Variants in DPP6 observed in about 807,000 individuals in gnomAD.
The protein encoded by DPP6 is dipeptidyl peptidase like 6.
Under a neutral mutation model 122.6 loss-of-function variants are expected in DPP6, and 69 were observed. The observed-to-expected ratio is 0.56, with a 90% CI of 0.46 to 0.69. The LOEUF (loss-of-function observed/expected upper bound fraction) is 0.69. Among genes scored for constraint, DPP6 ranks in the 30% least tolerant of loss-of-function variants. The probability of loss-of-function intolerance (pLI) is 0.00; values close to 1 mark genes in which losing one functional copy is unlikely to be tolerated. For missense variants in DPP6, 928 were observed against 1,116.9 expected, an observed-to-expected ratio of 0.83 and a Z score of 2.41; for synonymous variants, 418 against 433.1, an observed-to-expected ratio of 0.97 and a Z score of 0.43.
chr7:153,868,303 C>A, the DPP6 span, among the ~76,000 whole-genome samples: 1 of 152,172 alleles, frequency 6.6e-6, no homozygotes, highest in South Asian at 2.1e-4. Context: ...GGTTGGTAAG[C>A]TATTAATTAT....
chr7:154,023,293 C>T (rs1442709465), intron 1 of DPP6, among the ~76,000 whole-genome samples: 7 of 144,144 alleles, frequency 4.9e-5, no homozygotes, highest in African/African-American at 1.9e-4. Flanking sequence ...CCTCCTACAG[C>T]AGGCTCTGGA....
At chr7:153,803,876 T>C in the DPP6 span, among the ~76,000 whole-genome samples, 1 of 151,730 alleles carries the variant, frequency 6.6e-6, no homozygotes, top group Non-Finnish European at 1.5e-5. Flanking sequence ...CACACAAGGA[T>C]ATATGTACCT....
At chr7:153,758,428 A>T in the DPP6 span, among the ~76,000 whole-genome samples, 2 of 152,024 alleles carry the variant, frequency 1.3e-5, no homozygotes, top group African/African-American at 4.8e-5. Flanking sequence ...GCACATGTGC[A>T]TACCCGTGAA....
the DPP6 span, among the ~76,000 whole-genome samples, chr7:153,769,843 T>G: frequency 9.9e-5 from 15 of 152,244 alleles, no homozygotes; most frequent in African/African-American, 3.6e-4. Flanking sequence ...CACACTTGCT[T>G]AGTTGATTCA....
At chr7:153,842,468 A>AT in the DPP6 span, among the ~76,000 whole-genome samples, 61 of 150,880 alleles carry the variant, frequency 4.0e-4, no homozygotes, top group African/African-American at 1.3e-3. Context: ...GGTTTTTTTT[A>AT]TTTTTCTATT....
At chr7:154,830,780 C>T (rs969548968) in intron 16 of DPP6, among the ~76,000 whole-genome samples, 2 of 152,192 alleles carry the variant, frequency 1.3e-5, no homozygotes, top group Admixed American at 6.5e-5. Context: ...AAGCACACAC[C>T]GTGCACGCCC....
At chr7:154,131,277 G>A (rs1449193204) in intron 1 of DPP6, among the ~76,000 whole-genome samples, 2 of 152,230 alleles carry the variant, frequency 1.3e-5, no homozygotes, top group Non-Finnish European at 2.9e-5. Flanking sequence ...GTGATATGCA[G>A]TTTTAGCCCA....
intron 1 of DPP6, among the ~76,000 whole-genome samples, chr7:154,251,034 T>A (rs1213141777): frequency 6.6e-6 from 1 of 152,246 alleles, no homozygotes; most frequent in Non-Finnish European, 1.5e-5. Flanking sequence ...AGTTTCTCCA[T>A]TTGTGGATGG....
At chr7:154,072,017 A>C (rs1157018546) in intron 1 of DPP6, among the ~76,000 whole-genome samples, 1 of 151,748 alleles carries the variant, frequency 6.6e-6, no homozygotes, top group Admixed American at 6.6e-5. Context: ...GGAGGGAAAA[A>C]AACAGGGTGA....
intron 2 of DPP6, among the ~76,000 whole-genome samples, chr7:154,463,347 A>C (rs1423186386): frequency 2.0e-5 from 3 of 151,398 alleles, no homozygotes. Context: ...AGCTGGGACT[A>C]CAGGCGCGCG....
chr7:154,093,412 A>G (rs1805027695), intron 1 of DPP6, among the ~76,000 whole-genome samples: 1 of 143,162 alleles, frequency 7.0e-6, no homozygotes, highest in Admixed American at 7.4e-5. Flanking sequence ...ACCACATCCT[A>G]CACACCACAC....
At chr7:154,709,358 T>TTTGTTG (rs143254002) in intron 7 of DPP6, among the ~76,000 whole-genome samples, 8 of 149,210 alleles carry the variant, frequency 5.4e-5, no homozygotes, top group Non-Finnish European at 8.9e-5. Context: ...TTTTTAATGT[T>TTTGTTG]TTGTTGTTGT....
At chr7:154,084,965 G>A (rs183038567) in intron 1 of DPP6, among the ~76,000 whole-genome samples, 18,647 of 144,710 alleles carry the variant, frequency 0.13, 1,544 homozygotes, top group African/African-American at 0.25. Flanking sequence ...ACTCCAGCCT[G>A]GGCGACAGAG....
At chr7:153,823,301 C>T in the DPP6 span, among the ~76,000 whole-genome samples, 23 of 151,836 alleles carry the variant, frequency 1.5e-4, no homozygotes, top group African/African-American at 5.1e-4. Context: ...AGAAGCCTGG[C>T]CCAGGCTCAC....
At chr7:154,599,671 G>A (rs1451948948) in intron 5 of DPP6, among the ~76,000 whole-genome samples, 1 of 147,878 alleles carries the variant, frequency 6.8e-6, no homozygotes, top group East Asian at 2.0e-4. Flanking sequence ...CCCTCCCCCA[G>A]CCCCCCACCC....
In DPP6 at chr7:154,760,873, C is replaced by T. The variant is rs1253842494; in HGVS notation, c.884-8544C>T. 2.0e-5 allele frequency among the ~76,000 whole-genome samples: 3 copies of T among 146,984 alleles called. No homozygotes were observed. Among genetic ancestry groups the T allele is most frequent in the Non-Finnish European group, 4.5e-5 (3 of 67,322 alleles). Reference sequence around the variant, plus strand: ...TTTTTTTGAGACAGTCTTGCTGTGTCGCCCAGGCTTGAGTGCAATGGTGCA... The same window carrying T: ...TTTTTTTGAGACAGTCTTGCTGTGTTGCCCAGGCTTGAGTGCAATGGTGCA... On this transcript the variant is annotated intron_variant, in intron 8 of 25. Coordinates refer to ENST00000377770, the MANE Select transcript of DPP6 (RefSeq NM_130797.4). The surrounding 1 kb of genome is among the most constrained non-coding windows in gnomAD (Gnocchi z 4.5).
chr7:154,515,749 C>T (rs1336663831), intron 3 of DPP6, among the ~76,000 whole-genome samples: 5 of 152,174 alleles, frequency 3.3e-5, no homozygotes, highest in African/African-American at 9.7e-5. Flanking sequence ...GCTGGGATTA[C>T]AGACGTGAGC....
intron 6 of DPP6, among the ~76,000 whole-genome samples, chr7:154,663,167 A>G (rs1837871910): frequency 2.7e-5 from 2 of 72,754 alleles, no homozygotes; most frequent in Non-Finnish European, 3.5e-5. Flanking sequence ...ACCATGGCGT[A>G]TTGGCGGTAG....
intron 7 of DPP6, among the ~76,000 whole-genome samples, chr7:154,698,345 T>C (rs1377952710): frequency 6.6e-6 from 1 of 152,244 alleles, no homozygotes; most frequent in East Asian, 1.9e-4. Flanking sequence ...CCTTTGGGTC[T>C]AAGATGTTCC....
Sources: gnomAD v4.1 joint callset for allele counts (sites outside exome capture counted in the v4.1 genomes callset) on GRCh38, gnomAD v4.1.1 for gene constraint, Gnocchi (gnomAD v3.1) non-coding constraint, MANE v1.5 for transcripts, NCBI Gene and HGNC (gene_info 2026-07-23, HGNC 2026-07-21) for gene names.